Variants in TYW1 observed in about 807,000 individuals in gnomAD.
The protein encoded by TYW1 is S-adenosyl-L-methionine-dependent tRNA 4-demethylwyosine synthase TYW1.
In TYW1, 46 loss-of-function variants were observed where a neutral mutation model predicts 96.2. The ratio of observed to expected loss-of-function variants is 0.48; its 90% CI spans 0.38 to 0.61. The LOEUF (loss-of-function observed/expected upper bound fraction) is 0.61. TYW1 is among the 20% of genes least tolerant of loss of function. The pLI is 0.00. For synonymous variants in TYW1, 274 were observed against 323.0 expected (o/e 0.85, Z 1.63); for missense variants, 684 against 909.6 (o/e 0.75, Z 3.19).
At chr7:67,234,610 T>C (rs1801830358) in intron 15 of TYW1, among the ~76,000 whole-genome samples, 2 of 149,276 alleles carry the variant, frequency 1.3e-5, no homozygotes, top group Non-Finnish European at 3.0e-5. Flanking sequence ...CTAATACTCC[T>C]ACTTTGTCCT....
chr7:67,124,812 G>A (rs1207737080), intron 13 of TYW1, among the ~76,000 whole-genome samples: 1 of 151,852 alleles, frequency 6.6e-6, no homozygotes, highest in African/African-American at 2.4e-5. Context: ...TCTTCTCCCA[G>A]TCTGTCTTTA....
chr7:67,008,985 A>G (rs1793696302), intron 3 of TYW1, among the ~76,000 whole-genome samples: 3 of 151,662 alleles, frequency 2.0e-5, no homozygotes. Context: ...TTCTTTTTGC[A>G]CTTCTCTGTG....
chr7:67,094,653 T>G (rs55777322), intron 11 of TYW1, among the ~76,000 whole-genome samples: 4,856 of 33,162 alleles, frequency 0.15, 128 homozygotes, highest in Non-Finnish European at 0.21. Context: ...AGAATTAGAG[T>G]GTGTGTGTGT....
At chr7:67,100,330 TACA>T (rs1797047308) in intron 12 of TYW1, among the ~76,000 whole-genome samples, 1 of 152,058 alleles carries the variant, frequency 6.6e-6, no homozygotes, top group Admixed American at 6.6e-5. Flanking sequence ...CCAAAAGTAT[TACA>T]AAATTTACTC....
Position 67,178,406 on chromosome 7 carries a change from A to G in TYW1, c.1699-4720A>G, listed in dbSNP as rs1468257747. 2.6e-5 allele frequency among the ~76,000 whole-genome samples: 4 copies of G among 152,248 alleles called. No homozygotes were observed. In the East Asian group the frequency reaches 5.8e-4, roughly 22 times the overall value. On this transcript the variant is annotated intron_variant, in intron 13 of 15. Transcript: ENST00000359626. The stretch of plus-strand genomic sequence containing the variant: ...AATGAATCTTGCAAACATCGAATTC[A>G]GTGAAAGAAGCCAGACACAAAAGAA...
intron 11 of TYW1, among the ~76,000 whole-genome samples, chr7:67,088,895 A>G (rs2115804140): frequency 6.6e-6 from 1 of 152,228 alleles, no homozygotes. Context: ...ATAATATTGT[A>G]TCTATGGGAA....
At chr7:67,102,709 T>C (rs550487400) in intron 12 of TYW1, among the ~76,000 whole-genome samples, 5 of 152,042 alleles carry the variant, frequency 3.3e-5, no homozygotes, top group African/African-American at 9.7e-5. Flanking sequence ...TAGAGTGCAG[T>C]GGCGCCATCT....
At chr7:67,009,555 T>C (rs765600915) in intron 3 of TYW1, 28 bp from the exon 4 acceptor site, 2 of 1,602,788 alleles carry the variant, frequency 1.2e-6, no homozygotes, top group Admixed American at 1.7e-5. Context: ...TTGAAGACTT[T>C]ATTTGATGTT....
At chr7:67,105,051 A>T (rs1349391979) in intron 12 of TYW1, among the ~76,000 whole-genome samples, 2 of 152,252 alleles carry the variant, frequency 1.3e-5, no homozygotes, top group Admixed American at 1.3e-4. Flanking sequence ...GCTGCACTTT[A>T]TCACAGGGTG....
At chr7:67,100,945 T>G (rs1225467651) in intron 12 of TYW1, among the ~76,000 whole-genome samples, 1 of 151,796 alleles carries the variant, frequency 6.6e-6, no homozygotes, top group Non-Finnish European at 1.5e-5. Context: ...GGGAGGGACT[T>G]CTGACTGAGT....
intron 11 of TYW1, among the ~76,000 whole-genome samples, chr7:67,093,005 AT>A (rs1563008791): frequency 1.3e-5 from 2 of 152,004 alleles, no homozygotes; most frequent in Non-Finnish European, 2.9e-5. Context: ...TTTACCAAAA[AT>A]TTAAAAAAAA....
intron 11 of TYW1, among the ~76,000 whole-genome samples, chr7:67,094,708 C>T (rs1796840575): frequency 6.8e-6 from 1 of 146,080 alleles, no homozygotes; most frequent in Non-Finnish European, 1.5e-5. Flanking sequence ...CAGCTGACAC[C>T]AATACCTTAA....
chr7:67,137,255 A>C (rs181318855), intron 13 of TYW1, among the ~76,000 whole-genome samples: 80 of 152,264 alleles, frequency 5.3e-4, no homozygotes, highest in Non-Finnish European at 9.4e-4. Flanking sequence ...ACTTACTTGC[A>C]AGTCATCCCT....
chr7:67,094,505 CA>C (rs1796826493), intron 11 of TYW1, among the ~76,000 whole-genome samples: 1 of 152,066 alleles, frequency 6.6e-6, no homozygotes, highest in Non-Finnish European at 1.5e-5. Context: ...TAATAATAGC[CA>C]TTCTGACTAG....
intron 11 of TYW1, among the ~76,000 whole-genome samples, chr7:67,094,376 G>A (rs1796821916): frequency 6.6e-6 from 1 of 152,014 alleles, no homozygotes; most frequent in African/African-American, 2.4e-5. Context: ...CCGGTAATGG[G>A]TTGCTAGGTT....
intron 15 of TYW1, among the ~76,000 whole-genome samples, chr7:67,205,096 ACT>A (rs1254727922): frequency 6.6e-6 from 1 of 151,420 alleles, no homozygotes; most frequent in Non-Finnish European, 1.5e-5. Flanking sequence ...ATGTTAGGAG[ACT>A]CTGGATCTTA....
Position 67,136,082 on chromosome 7 carries a change from A to G in TYW1, c.1698+18464A>G, listed in dbSNP as rs1798245601. ...GAAGGTCACAGAGCTGTTTGGCTTC[A>G]TGGTATATTTTTATTATCTTTTAGC... On this transcript the variant is annotated intron_variant, in intron 13 of 15. Transcript: ENST00000359626. Among the ~76,000 whole-genome samples the G allele has an allele frequency of 2.0e-5, 3 of 152,154 alleles. No individual in the cohort carries two copies. In the South Asian group the frequency reaches 6.2e-4, roughly 32 times the overall value.
intron 15 of TYW1, among the ~76,000 whole-genome samples, chr7:67,197,198 G>A (rs1563066668): frequency 6.6e-6 from 1 of 152,160 alleles, no homozygotes; most frequent in Non-Finnish European, 1.5e-5. Flanking sequence ...AGTTATTGCT[G>A]CTTCAGTTAT....
chr7:67,056,731 AGT>A (rs1795530313), intron 9 of TYW1, among the ~76,000 whole-genome samples: 1 of 152,162 alleles, frequency 6.6e-6, no homozygotes, highest in Non-Finnish European at 1.5e-5. Context: ...TATGAAAAAA[AGT>A]GCTATGAGCA....
Sources: allele counts gnomAD v4.1 joint callset (sites outside exome capture counted in the v4.1 genomes callset), GRCh38; gene constraint gnomAD v4.1.1; transcripts MANE v1.5; gene names NCBI Gene and HGNC (gene_info 2026-07-23, HGNC 2026-07-21).